LARP4B: variants seen among roughly 807,000 people sequenced by gnomAD.
The protein encoded by LARP4B is la-related protein 4B.
Under a neutral mutation model 89.8 loss-of-function variants are expected in LARP4B, and 12 were observed. That is an observed-to-expected ratio of 0.13 (90% confidence interval 0.09 to 0.22). The LOEUF (loss-of-function observed/expected upper bound fraction) is 0.22. Ranked by LOEUF, LARP4B falls within the 10% of genes least tolerant of loss-of-function variation. LARP4B has a pLI of 1.00. For synonymous variants in LARP4B, 367 were observed against 363.3 expected, an observed-to-expected ratio of 1.01 and a Z score of -0.12; for missense variants, 757 against 947.7, an observed-to-expected ratio of 0.80 and a Z score of 2.64.
intron 5 of LARP4B, among the ~76,000 whole-genome samples, chr10:847,310 G>GT (rs1833821650): frequency 2.0e-5 from 3 of 152,180 alleles, no homozygotes; most frequent in Admixed American, 2.0e-4. Flanking sequence ...ACAATGACAA[G>GT]TGAGACGGGC....
At chr10:918,843 G>C (rs571416652) in intron 1 of LARP4B, among the ~76,000 whole-genome samples, 168 of 152,144 alleles carry the variant, frequency 1.1e-3, no homozygotes, top group African/African-American at 3.8e-3. Context: ...TTGGGAGGCC[G>C]AGGTGGGTGG....
Position 842,319 on chromosome 10 carries a change from T to A in LARP4B, c.646+613A>T, listed in dbSNP as rs141122209. Among the ~76,000 whole-genome samples, 37 of 152,154 alleles carry A rather than the reference T, an allele frequency of 2.4e-4. 2 individuals carry two copies. The East Asian group carries it at 7.0e-3, about 29-fold the overall frequency. On this transcript the variant is annotated intron_variant, in intron 7 of 17. Transcript: ENST00000316157. Reference sequence around the variant, plus strand: ...TTCAAGTGATTTCCCTGCCTCAGCCTCTCAAGTACCTGGGATTACAAGCAC... The same window carrying A: ...TTCAAGTGATTTCCCTGCCTCAGCCACTCAAGTACCTGGGATTACAAGCAC...
the LARP4B span, among the ~76,000 whole-genome samples, chr10:958,236 G>A: frequency 6.6e-6 from 1 of 152,160 alleles, no homozygotes; most frequent in Non-Finnish European, 1.5e-5. Flanking sequence ...TGTCTTGCTG[G>A]TCAGCTGCTC....
rs1416356770 is a variant in LARP4B at position 900,771 on chromosome 10, C to CTCTAATTACAG, written c.-39-15012_-39-15011insCTGTAATTAGA. Among the ~76,000 whole-genome samples, 142 of 151,272 alleles carry CTCTAATTACAG rather than the reference C, an allele frequency of 9.4e-4. No individual in the cohort carries two copies. The South Asian group carries it at 0.01, about 11-fold the overall frequency. ...AGTAGCTGGGACTACAGGTGCACGC[C>CTCTAATTACAG]ACCACGCTTGGCTAATTTTTGTATG... is the stretch of plus-strand genomic sequence containing the variant. On this transcript the variant is annotated intron_variant, in intron 1 of 17. Coordinates refer to ENST00000316157, the MANE Select transcript of LARP4B (RefSeq NM_015155.3).
At chr10:945,733 C>T in the LARP4B span, among the ~76,000 whole-genome samples, 1 of 151,656 alleles carries the variant, frequency 6.6e-6, no homozygotes, top group Admixed American at 6.6e-5. Context: ...GTGTTAGGAA[C>T]TGAATGTATG....
chr10:881,887 A>G (rs1357220675), intron 3 of LARP4B, among the ~76,000 whole-genome samples: 1 of 152,204 alleles, frequency 6.6e-6, no homozygotes, highest in East Asian at 1.9e-4. Flanking sequence ...CAACCTCTCC[A>G]TAGAAAATGT....
In LARP4B at chr10:810,952, C is replaced by A. The variant is rs1320713671; in HGVS notation, c.*1974G>T. The A allele has an allele frequency of 1.3e-5, 2 of 152,210 alleles. No individual in the cohort carries two copies. The highest frequency in any genetic ancestry group is 2.9e-5 in the Non-Finnish European group (2 of 68,036). 9.4% of individuals were successfully genotyped at this position (152,210 alleles called of 1,614,324 possible). A position where few individuals can be genotyped will look rare whatever the true frequency, so the allele number is the denominator to read the frequency against. On this transcript the variant is annotated 3_prime_UTR_variant, in exon 18 of 18. Transcript: ENST00000316157. ...TAGGCATGTTTTCCTCTGGCAGGGTCAATCATGCTTAGCTGCAGGTGATTT... is the reference window on the plus strand; with the variant it reads ...TAGGCATGTTTTCCTCTGGCAGGGTAAATCATGCTTAGCTGCAGGTGATTT...
intron 1 of LARP4B, among the ~76,000 whole-genome samples, chr10:905,231 CTTA>C (rs1836457691): frequency 6.6e-6 from 1 of 152,182 alleles, no homozygotes; most frequent in African/African-American, 2.4e-5. Context: ...TCCCTAAAGT[CTTA>C]TTATCTGAAC....
At chr10:827,000 C>A (rs999076342) in intron 11 of LARP4B, among the ~76,000 whole-genome samples, 3 of 152,172 alleles carry the variant, frequency 2.0e-5, no homozygotes, top group Non-Finnish European at 4.4e-5. Context: ...CATGGCCGGG[C>A]GCAGTGGCTC....
intron 1 of LARP4B, among the ~76,000 whole-genome samples, chr10:915,229 G>A (rs1178493072): frequency 1.3e-5 from 2 of 151,912 alleles, no homozygotes; most frequent in East Asian, 1.9e-4. Flanking sequence ...AGGCTGCAGC[G>A]AGCTATGATT....
intron 1 of LARP4B, among the ~76,000 whole-genome samples, chr10:916,572 G>A (rs1388534767): frequency 6.6e-6 from 1 of 152,184 alleles, no homozygotes; most frequent in Non-Finnish European, 1.5e-5. Context: ...GCGCATGCCT[G>A]TAATCCCAGA....
At chr10:918,031 T>C (rs1366756368) in intron 1 of LARP4B, among the ~76,000 whole-genome samples, 1 of 152,216 alleles carries the variant, frequency 6.6e-6, no homozygotes, top group Non-Finnish European at 1.5e-5. Flanking sequence ...ACAATTTGGA[T>C]TGAATCTCCA....
the LARP4B span, among the ~76,000 whole-genome samples, chr10:966,115 ATC>A: frequency 6.6e-6 from 1 of 151,436 alleles, no homozygotes; most frequent in Non-Finnish European, 1.5e-5. Flanking sequence ...CTATCTAAAA[ATC>A]TCTCTAAAAA....
chr10:895,063 G>A (rs1306779693), intron 1 of LARP4B, among the ~76,000 whole-genome samples: 1 of 152,190 alleles, frequency 6.6e-6, no homozygotes, highest in African/African-American at 2.4e-5. Context: ...GCGTGTGCCT[G>A]TAGTCCCAGC....
Position 822,463 on chromosome 10 carries a change from T to C in LARP4B, c.1485-1618A>G, listed in dbSNP as rs754307483. Among the ~76,000 whole-genome samples the C allele has an allele frequency of 6.6e-6, 1 of 152,178 alleles. No homozygotes were observed. Among genetic ancestry groups the C allele is most frequent in the East Asian group, 1.9e-4 (1 of 5,194 alleles). ...GTCCAGGACACAGACCTGCCTGCCATGGGGTCCTATCCCAGTCACCATCAG... is the reference window on the plus strand; with the variant it reads ...GTCCAGGACACAGACCTGCCTGCCACGGGGTCCTATCCCAGTCACCATCAG... On this transcript the variant is annotated intron_variant, in intron 13 of 17. Transcript: ENST00000316157. This position sits in a 1 kb window ranked among gnomAD's most constrained non-coding sequence, Gnocchi z 4.6.
chr10:891,447 T>C (rs551526023), intron 1 of LARP4B, among the ~76,000 whole-genome samples: 1 of 152,356 alleles, frequency 6.6e-6, no homozygotes, highest in South Asian at 2.1e-4. Flanking sequence ...GTGATAACGA[T>C]GTGGTTATGT....
At chr10:911,985 TCAC>T (rs1338145570) in intron 1 of LARP4B, among the ~76,000 whole-genome samples, 1 of 152,206 alleles carries the variant, frequency 6.6e-6, no homozygotes, top group African/African-American at 2.4e-5. Context: ...AGGAGAGTGC[TCAC>T]CACCAAGTGA....
intron 1 of LARP4B, among the ~76,000 whole-genome samples, chr10:929,395 G>C (rs1837239042): frequency 6.6e-6 from 1 of 152,174 alleles, no homozygotes; most frequent in Non-Finnish European, 1.5e-5. Context: ...AGGAGTTCGA[G>C]ACCAGCCTGG....
intron 7 of LARP4B, among the ~76,000 whole-genome samples, chr10:841,124 G>A (rs193277780): frequency 6.6e-6 from 1 of 152,276 alleles, no homozygotes; most frequent in East Asian, 1.9e-4. Context: ...CTGCACTCCA[G>A]CCTTGGCGAC....
Sources: allele counts gnomAD v4.1 joint callset (sites outside exome capture counted in the v4.1 genomes callset), GRCh38; gene constraint gnomAD v4.1.1; non-coding constraint Gnocchi (gnomAD v3.1); transcripts MANE v1.5; gene names NCBI Gene and HGNC (gene_info 2026-07-23, HGNC 2026-07-21).